Variants in HMG20A observed in about 807,000 individuals in gnomAD.
HMG20A encodes the protein high mobility group 20A, also known as high mobility group protein 20A.
Under a neutral mutation model 43.9 loss-of-function variants are expected in HMG20A, and 17 were observed. That is an observed-to-expected ratio of 0.39 (90% CI 0.27 to 0.58). The LOEUF (loss-of-function observed/expected upper bound fraction) is 0.58, where lower values mean the gene tolerates loss of function less well. Among genes scored for constraint, HMG20A ranks in the 20% least tolerant of loss-of-function variants. The probability of loss-of-function intolerance (pLI) is 0.59; values close to 1 mark genes in which losing one functional copy is unlikely to be tolerated. For missense variants in HMG20A, 341 were observed against 438.2 expected, an observed-to-expected ratio of 0.78 and a Z score of 1.98; for synonymous variants, 132 against 147.5, an observed-to-expected ratio of 0.89 and a Z score of 0.76.
chr15:77,476,225 T>C (rs981174179), intron 6 of HMG20A, among the ~76,000 whole-genome samples: 1 of 152,150 alleles, frequency 6.6e-6, no homozygotes, highest in African/African-American at 2.4e-5. Context: ...CTCAAGCCTG[T>C]AATCCCAGCA....
intron 2 of HMG20A, 95 bp downstream of exon 2, chr15:77,458,591 T>C (rs544222631): frequency 9.0e-6 from 7 of 774,114 alleles, no homozygotes; most frequent in African/African-American, 1.8e-5. Context: ...TTTTATATCA[T>C]AAGAATAGAC....
At chr15:77,451,754 G>A (rs1044350445) in intron 1 of HMG20A, among the ~76,000 whole-genome samples, 3 of 152,104 alleles carry the variant, frequency 2.0e-5, no homozygotes, top group Non-Finnish European at 4.4e-5. Context: ...AACAGAGCAG[G>A]GAAGGAGGTT....
chr15:77,482,968 AGG>A lies in HMG20A; in HGVS notation c.*7-1_*7del. The A allele has an allele frequency of 6.6e-6, 1 of 152,144 alleles. No homozygotes were observed. The highest frequency in any genetic ancestry group is 2.4e-5 in the African/African-American group (1 of 41,422). The allele number at this position is 152,144 out of a possible 1,614,324, so 9.4% of individuals were successfully genotyped here. A position where few individuals can be genotyped will look rare whatever the true frequency, so the allele number is the denominator to read the frequency against. Reference sequence around the variant, plus strand: ...TTTTGTTTTGTTTTCCTGATTCTACAGGTCTTAGAACTCCAAGATGTTCCATA... The same window carrying A: ...TTTTGTTTTGTTTTCCTGATTCTACATCTTAGAACTCCAAGATGTTCCATA... On this transcript the variant is annotated splice_acceptor_variant and 3_prime_UTR_variant, in exon 10 of 10. Transcript: ENST00000336216. LOFTEE classifies it low-confidence loss of function (3UTR_SPLICE).
intron 1 of HMG20A, among the ~76,000 whole-genome samples, chr15:77,454,697 G>C (rs1474287447): frequency 6.6e-6 from 1 of 152,150 alleles, no homozygotes; most frequent in Non-Finnish European, 1.5e-5. Context: ...TAGTGCAAGG[G>C]AATTGAGTAT....
At chr15:77,456,041 A>G (rs1012365137) in intron 1 of HMG20A, among the ~76,000 whole-genome samples, 1 of 152,222 alleles carries the variant, frequency 6.6e-6, no homozygotes, top group African/African-American at 2.4e-5. Flanking sequence ...AGTAACACTG[A>G]GAAAATATAT....
chr15:77,498,724 C>T, the HMG20A span, among the ~76,000 whole-genome samples: 2 of 152,318 alleles, frequency 1.3e-5, no homozygotes, highest in South Asian at 2.1e-4. Context: ...TCTCAAAAGG[C>T]ATACAACAAT....
chr15:77,509,945 GC>G, the HMG20A span, among the ~76,000 whole-genome samples: 3 of 151,424 alleles, frequency 2.0e-5, no homozygotes, highest in African/African-American at 7.3e-5. Flanking sequence ...TATGTTTCAG[GC>G]CCCTAAAACC....
the HMG20A span, among the ~76,000 whole-genome samples, chr15:77,496,594 G>A: frequency 6.6e-6 from 1 of 152,192 alleles, no homozygotes; most frequent in African/African-American, 2.4e-5. Flanking sequence ...GGCCCGGAAG[G>A]TCAGGACCAA....
At chr15:77,504,514 T>C in the HMG20A span, among the ~76,000 whole-genome samples, 1 of 152,252 alleles carries the variant, frequency 6.6e-6, no homozygotes, top group Admixed American at 6.5e-5. Flanking sequence ...CAAGGGTAAT[T>C]GCCCAAGAGA....
At position 77,464,237 on chromosome 15, in the gene HMG20A, C is replaced by A; in HGVS notation, c.90-3C>A. ...GTTGTTGATACTTCTGCCTATTATTCAGGTTAAATCACCCAGAGGTTCCAT... is the reference window on the plus strand; with the variant it reads ...GTTGTTGATACTTCTGCCTATTATTAAGGTTAAATCACCCAGAGGTTCCAT... On this transcript the variant is annotated splice_polypyrimidine_tract_variant and splice_region_variant and intron_variant, in intron 2 of 9. Coordinates refer to ENST00000336216, the MANE Select transcript of HMG20A (RefSeq NM_001304504.2). 6.2e-7 allele frequency: 1 copy of A among 1,613,048 alleles called. No individual in the cohort carries two copies. Among genetic ancestry groups the A allele is most frequent in the South Asian group, 1.1e-5 (1 of 90,916 alleles).
At chr15:77,459,314 A>C (rs1231540021) in intron 2 of HMG20A, among the ~76,000 whole-genome samples, 2 of 152,204 alleles carry the variant, frequency 1.3e-5, no homozygotes, top group Non-Finnish European at 2.9e-5. Context: ...TTCAGTAAAA[A>C]CTTTCTGAGT....
intron 1 of HMG20A, among the ~76,000 whole-genome samples, chr15:77,438,829 C>T (rs981317671): frequency 6.6e-6 from 1 of 152,140 alleles, no homozygotes; most frequent in South Asian, 2.1e-4. Context: ...TCTCCTCTGT[C>T]ACCCAGGCTG....
chr15:77,478,353 T>A lies in HMG20A; in HGVS notation c.750T>A (p.Asn250Lys). ...CCAACATGGAGTTTGAGGAGAGGAA[T>A]GCAGCCCTGCAAAAGCACGTGGAGA... ...RKSNMEFEER[N>K]AALQKHVESM... Residue 250 changes from asparagine to lysine, a missense_variant, in exon 8 of 10, where the codon AAT (asparagine) becomes AAA (lysine). Transcript: ENST00000336216. 1 of 1,613,678 alleles carries A rather than the reference T, an allele frequency of 6.2e-7. No homozygotes were observed. Among genetic ancestry groups the A allele is most frequent in the South Asian group, 1.1e-5 (1 of 91,056 alleles).
intron 1 of HMG20A, among the ~76,000 whole-genome samples, chr15:77,425,211 C>T (rs1243826561): frequency 6.6e-6 from 1 of 152,156 alleles, no homozygotes; most frequent in African/African-American, 2.4e-5. Flanking sequence ...CTGTCCAGTG[C>T]TCCTCTTGTT....
At chr15:77,452,181 A>G (rs894399176) in intron 1 of HMG20A, among the ~76,000 whole-genome samples, 3 of 152,250 alleles carry the variant, frequency 2.0e-5, no homozygotes, top group Non-Finnish European at 4.4e-5. Context: ...GTCTGGCCAC[A>G]ATATTATGAT....
At chr15:77,489,990 T>C (rs1159754995), downstream of HMG20A, among the ~76,000 whole-genome samples, 6 of 152,162 alleles carry the variant, frequency 3.9e-5, no homozygotes, top group African/African-American at 1.4e-4. Context: ...AAAGGGTCAC[T>C]CTAGGCCGGG....
chr15:77,490,300 GTAAAA>G (rs1412050350), downstream of HMG20A, among the ~76,000 whole-genome samples: 3 of 151,870 alleles, frequency 2.0e-5, no homozygotes, highest in Admixed American at 6.6e-5. Flanking sequence ...AAAATAAAAA[GTAAAA>G]TAAAATAAAG....
intron 5 of HMG20A, among the ~76,000 whole-genome samples, chr15:77,471,467 C>T (rs17471753): frequency 0.22 from 33,306 of 152,128 alleles, 4,127 homozygotes; most frequent in Middle Eastern, 0.29. Context: ...TATACTTGGG[C>T]ATCTAGCCTG....
At chr15:77,486,259 CTTT>C (rs71145843), downstream of HMG20A, among the ~76,000 whole-genome samples, 4 of 128,676 alleles carry the variant, frequency 3.1e-5, no homozygotes, top group Non-Finnish European at 3.3e-5. Flanking sequence ...TAAATGCTTG[CTTT>C]TTTTTTTTTT....
Sources: allele counts gnomAD v4.1 joint callset (sites outside exome capture counted in the v4.1 genomes callset), GRCh38; gene constraint gnomAD v4.1.1; transcripts MANE v1.5; gene names NCBI Gene and HGNC (gene_info 2026-07-23, HGNC 2026-07-21).